SLC30A8: variants seen among roughly 807,000 people sequenced by gnomAD.
SLC30A8 encodes the protein proton-coupled zinc antiporter SLC30A8.
Under a neutral mutation model 36.9 loss-of-function variants are expected in SLC30A8, and 27 were observed. The observed-to-expected ratio is 0.73, with a 90% CI of 0.54 to 1.01. The LOEUF is 1.01. Among genes scored for constraint, SLC30A8 ranks in the 50% least tolerant of loss-of-function variants. The pLI, the probability that SLC30A8 is intolerant of heterozygous loss-of-function variation, is 0.00. For missense variants in SLC30A8, 439 were observed against 452.0 expected (o/e 0.97, Z 0.26); for synonymous variants, 164 against 172.4 (o/e 0.95, Z 0.38).
intron 1 of SLC30A8, among the ~76,000 whole-genome samples, chr8:116,966,782 G>A (rs953145114): frequency 3.9e-5 from 6 of 152,174 alleles, no homozygotes; most frequent in Non-Finnish European, 7.4e-5. Flanking sequence ...AATAAGAGAG[G>A]AGGATGTTGT....
At chr8:117,010,640 C>T (rs539224755) in intron 1 of SLC30A8, among the ~76,000 whole-genome samples, 29 of 152,276 alleles carry the variant, frequency 1.9e-4, no homozygotes, top group African/African-American at 6.7e-4. Context: ...TCTCGCACTG[C>T]TATAATGAAA....
chr8:116,984,093 C>A (rs1474102552), intron 1 of SLC30A8, among the ~76,000 whole-genome samples: 1 of 151,978 alleles, frequency 6.6e-6, no homozygotes, highest in East Asian at 1.9e-4. Flanking sequence ...AACATGCAAC[C>A]CTTTGAAACT....
upstream of SLC30A8, among the ~76,000 whole-genome samples, chr8:117,134,117 C>T (rs555313186): frequency 3.9e-5 from 6 of 152,048 alleles, 1 homozygote; most frequent in South Asian, 1.2e-3. Flanking sequence ...CCTTTTAGAG[C>T]ACAATATTCA....
chr8:117,030,831 T>C (rs1417712554), intron 1 of SLC30A8, among the ~76,000 whole-genome samples: 1 of 152,226 alleles, frequency 6.6e-6, no homozygotes, highest in African/African-American at 2.4e-5. Context: ...TTCTCTCTCC[T>C]AGTCACACTT....
At chr8:117,159,317 A>G (rs146092672) in intron 4 of SLC30A8, among the ~76,000 whole-genome samples, 142 of 152,352 alleles carry the variant, frequency 9.3e-4, no homozygotes, top group Middle Eastern at 3.4e-3. Flanking sequence ...AGATTTTTAC[A>G]TGAAGGTAGA....
At chr8:117,164,327 G>A (rs1469195395) in intron 6 of SLC30A8, 1 of 152,314 alleles carries the variant, frequency 6.6e-6, no homozygotes, top group East Asian at 1.9e-4. Context: ...GGAATTACAG[G>A]TTGGGAGGCT....
intron 1 of SLC30A8, among the ~76,000 whole-genome samples, chr8:116,977,141 C>CTCT (rs1815063107): frequency 1.7e-5 from 1 of 59,094 alleles, no homozygotes; most frequent in African/African-American, 7.3e-5. Context: ...CTTTTTCTTG[C>CTCT]TTTTTTTTTT....
intron 2 of SLC30A8, among the ~76,000 whole-genome samples, chr8:117,074,750 T>A (rs1007929170): frequency 6.6e-6 from 1 of 152,204 alleles, no homozygotes; most frequent in Non-Finnish European, 1.5e-5. Context: ...CCACTGTATT[T>A]CTTGTCACTT....
intron 2 of SLC30A8, chr8:117,147,739 G>C (rs894566553): frequency 6.6e-6 from 1 of 152,498 alleles, no homozygotes; most frequent in Admixed American, 6.5e-5. Context: ...TAAACAATTC[G>C]TCTCTACCAG....
At chr8:117,127,319 C>A (rs1563613785) in intron 2 of SLC30A8, among the ~76,000 whole-genome samples, 1 of 152,032 alleles carries the variant, frequency 6.6e-6, no homozygotes, top group Non-Finnish European at 1.5e-5. Flanking sequence ...CTTTGGTAAT[C>A]TTCCCATTTC....
At chr8:117,073,559 C>T (rs1174540909) in intron 2 of SLC30A8, among the ~76,000 whole-genome samples, 4 of 152,100 alleles carry the variant, frequency 2.6e-5, no homozygotes, top group South Asian at 4.1e-4. Context: ...TGTGCCTGGC[C>T]GATACTTCTT....
At chr8:117,020,922 C>G (rs1816677451) in intron 1 of SLC30A8, among the ~76,000 whole-genome samples, 1 of 152,030 alleles carries the variant, frequency 6.6e-6, no homozygotes, top group Admixed American at 6.6e-5. Context: ...TAAATCTGGA[C>G]TGCAGTGGTA....
chr8:117,087,829 TA>T (rs1485920133), intron 2 of SLC30A8, among the ~76,000 whole-genome samples: 1 of 152,320 alleles, frequency 6.6e-6, no homozygotes, highest in African/African-American at 2.4e-5. Context: ...AAAAGTTTTT[TA>T]TATTCATTTT....
At chr8:117,067,652 T>C (rs1450695865) in intron 2 of SLC30A8, among the ~76,000 whole-genome samples, 1 of 152,196 alleles carries the variant, frequency 6.6e-6, no homozygotes, top group Admixed American at 6.5e-5. Flanking sequence ...GTGAATGAGA[T>C]CATATTCTGA....
At position 117,163,562 on chromosome 8, in the gene SLC30A8, C is replaced by T. The variant is rs1220466362; in HGVS notation, c.829+32C>T. 10 of 1,502,064 alleles carry T rather than the reference C, an allele frequency of 6.7e-6. No homozygotes were observed. The Admixed American group carries it at 1.2e-4, about 18-fold the overall frequency. The allele number at this position is 1,502,064 out of a possible 1,614,324, so 93.0% of individuals were successfully genotyped here. ...GTGATTTTATTATTACTCCCAGAGT[C>T]AGTGTTTTCTCTTCCCTAGAATCAC... On this transcript the variant is annotated intron_variant, in intron 6 of 7. Coordinates refer to ENST00000456015, the MANE Select transcript of SLC30A8 (RefSeq NM_173851.3).
intron 1 of SLC30A8, among the ~76,000 whole-genome samples, chr8:117,025,428 A>G (rs1184555892): frequency 6.6e-6 from 1 of 152,196 alleles, no homozygotes. Context: ...AAATTCTTGA[A>G]TGATTAATGT....
At chr8:117,036,526 C>T (rs1049684936) in intron 1 of SLC30A8, among the ~76,000 whole-genome samples, 3 of 152,122 alleles carry the variant, frequency 2.0e-5, no homozygotes, top group South Asian at 2.1e-4. Context: ...ACTCACGGTT[C>T]GACATGGCTG....
intron 2 of SLC30A8, among the ~76,000 whole-genome samples, chr8:117,119,905 T>C (rs545659917): frequency 6.6e-6 from 1 of 151,918 alleles, no homozygotes; most frequent in South Asian, 2.1e-4. Flanking sequence ...AAGAATAAAC[T>C]ACTTAGGAAT....
intron 2 of SLC30A8, among the ~76,000 whole-genome samples, chr8:117,066,182 G>A (rs1388266174): frequency 6.6e-6 from 1 of 152,152 alleles, no homozygotes; most frequent in African/African-American, 2.4e-5. Flanking sequence ...CAAAGACTGG[G>A]CAGTGAATGC....
Sources: allele counts gnomAD v4.1 joint callset (sites outside exome capture counted in the v4.1 genomes callset), GRCh38; gene constraint gnomAD v4.1.1; transcripts MANE v1.5; gene names NCBI Gene and HGNC (gene_info 2026-07-23, HGNC 2026-07-21).